Variants in HMGCS1 observed in about 807,000 individuals in gnomAD.
HMGCS1 encodes 3-hydroxy-3-methylglutaryl-CoA synthase 1.
In HMGCS1, 9 loss-of-function variants were observed where a neutral mutation model predicts 52.3. The observed-to-expected ratio is 0.17, with a 90% CI of 0.10 to 0.30. The LOEUF (loss-of-function observed/expected upper bound fraction) is 0.30. HMGCS1 is among the 10% of genes least tolerant of loss of function. The pLI is 1.00. For missense variants in HMGCS1, 320 were observed against 620.9 expected (o/e 0.52, Z 5.15); for synonymous variants, 176 against 214.4 (o/e 0.82, Z 1.57).
chr5:43,304,993 C>CTT lies in HMGCS1; in HGVS notation c.-11+2771_-11+2772dup, dbSNP rs11455890. ...TAATAGTTTCTGGTCTCAAATGTTA[C>CTT]TTTTTTTTTTGAGACGGAGTTTCGC... On this transcript the variant is annotated intron_variant, in intron 2 of 10. Transcript: ENST00000325110. Among the ~76,000 whole-genome samples, 164 of 150,490 alleles carry CTT rather than the reference C, an allele frequency of 1.1e-3. 1 individual carries two copies. The highest frequency in any genetic ancestry group is 3.4e-3 in the Middle Eastern group (1 of 292).
intron 1 of HMGCS1, among the ~76,000 whole-genome samples, chr5:43,309,374 G>T (rs540860614): frequency 5.9e-5 from 9 of 151,996 alleles, no homozygotes; most frequent in Non-Finnish European, 1.2e-4. Flanking sequence ...CAAGTAGCTG[G>T]GACTACAGGC....
chr5:43,304,316 T>C (rs865807699), intron 2 of HMGCS1, among the ~76,000 whole-genome samples: 10 of 152,248 alleles, frequency 6.6e-5, no homozygotes, highest in Admixed American at 2.0e-4. Context: ...GAAGACAGTA[T>C]GGTCTTCCTT....
chr5:43,287,686 G>C lies in HMGCS1; in HGVS notation c.*3445C>G, dbSNP rs1753558323. On this transcript the variant is annotated 3_prime_UTR_variant, in exon 11 of 11. Coordinates refer to ENST00000325110, the MANE Select transcript of HMGCS1 (RefSeq NM_001098272.3). Reference sequence around the variant, plus strand: ...TATCCACTAGCAACTTTCCACCTAGGTCAAGGATGGCCCCATGGGCACCTA... The same window carrying C: ...TATCCACTAGCAACTTTCCACCTAGCTCAAGGATGGCCCCATGGGCACCTA... 6.6e-6 allele frequency: 1 copy of C among 152,216 alleles called. No homozygotes were observed. The allele number at this position is 152,216 out of a possible 1,614,324, so 9.4% of individuals were successfully genotyped here.
intron 2 of HMGCS1, among the ~76,000 whole-genome samples, chr5:43,301,532 A>G (rs990649483): frequency 6.6e-6 from 1 of 152,214 alleles, no homozygotes; most frequent in African/African-American, 2.4e-5. Context: ...AAATGTAAAG[A>G]TTTTTCTTGA....
intron 2 of HMGCS1, among the ~76,000 whole-genome samples, chr5:43,302,969 G>T (rs889923578): frequency 2.6e-5 from 4 of 152,110 alleles, no homozygotes; most frequent in Non-Finnish European, 5.9e-5. Context: ...TTCCTTATGT[G>T]TTTTTTCACT....
rs146233971 is a variant in HMGCS1 at position 43,291,219 on chromosome 5, T to C, written c.1475A>G (p.His492Arg). 2 of 1,606,314 alleles carry C rather than the reference T, an allele frequency of 1.2e-6. No homozygotes were observed. The highest frequency in any genetic ancestry group is 2.2e-5 in the East Asian group (1 of 44,840). ...GLVHSNIATE[H>R]IPSPAKKVPR... Reference sequence around the variant, plus strand: ...TACTTTCTTGGCAGGGCTTGGAATATGCTAAAATGAAAGGAAAAAAGTTGA... The same window carrying C: ...TACTTTCTTGGCAGGGCTTGGAATACGCTAAAATGAAAGGAAAAAAGTTGA... Residue 492 changes from histidine to arginine, a missense_variant and splice_region_variant, in exon 11 of 11, where the codon CAT becomes CGT. His to Arg is a conservative substitution (Grantham distance 29). Coordinates refer to ENST00000325110, the MANE Select transcript of HMGCS1 (RefSeq NM_001098272.3).
rs1173282795 is a variant in HMGCS1, at chr5:43,298,826, T to C, written c.140A>G (p.Tyr47Cys). 2 of 1,613,766 alleles carry C rather than the reference T, an allele frequency of 1.2e-6. No individual in the cohort carries two copies. The highest frequency in any genetic ancestry group is 1.7e-6 in the Non-Finnish European group (2 of 1,179,928). ...EKYDGVDAGK[Y>C]TIGLGQAKMG... Reference sequence around the variant, plus strand: ...CTTGGCCTGGCCCAAGCCAATGGTATACTTTCCAGCATCTACACCATCATA... The same window carrying C: ...CTTGGCCTGGCCCAAGCCAATGGTACACTTTCCAGCATCTACACCATCATA... The change falls in exon 3 of 11, where the codon TAT becomes TGT. Residue 47 changes from tyrosine to cysteine, a missense_variant. By Grantham distance (194) the Tyr-to-Cys change is radical. Coordinates refer to ENST00000325110, the MANE Select transcript of HMGCS1 (RefSeq NM_001098272.3). This position sits in a 1 kb window ranked among gnomAD's most constrained non-coding sequence, Gnocchi z 5.6.
In HMGCS1 at chr5:43,292,967, G is replaced by C. The variant is rs1753853252; in HGVS notation, c.1190C>G (p.Ala397Gly). 1.3e-6 allele frequency: 2 copies of C among 1,597,216 alleles called. No individual in the cohort carries two copies. Among genetic ancestry groups the C allele is most frequent in the Non-Finnish European group, 1.7e-6 (2 of 1,174,312 alleles). ...TAAACTTGCTGTTATTTTATCAAGA[G>C]CAGACCCTAAAATAGTGAATAATTC... ...KVTQDATPGSALDKITASLCD... is the reference protein window; with the variant it reads ...KVTQDATPGSGLDKITASLCD... The change falls in exon 9 of 11, where the codon GCT (alanine) becomes GGT (glycine). Residue 397 changes from alanine to glycine, a missense_variant. Physicochemically the swap from Ala to Gly is moderately conservative, Grantham distance 60. Around this residue, in one of 3 missense-constraint regions of HMGCS1, gnomAD observed 213 missense variants for 337.4 expected, o/e 0.63. Coordinates refer to ENST00000325110, the MANE Select transcript of HMGCS1 (RefSeq NM_001098272.3).
At chr5:43,302,161 C>T (rs1014062228) in intron 2 of HMGCS1, among the ~76,000 whole-genome samples, 2 of 152,170 alleles carry the variant, frequency 1.3e-5, no homozygotes, top group African/African-American at 4.8e-5. Flanking sequence ...CTATATGGGA[C>T]TTAACACAAG....
intron 2 of HMGCS1, among the ~76,000 whole-genome samples, chr5:43,300,626 C>CA (rs915359134): frequency 5.3e-5 from 8 of 151,308 alleles, no homozygotes; most frequent in South Asian, 2.1e-4. Flanking sequence ...TCTGTCTCAA[C>CA]AAAAAAAATT....
intron 2 of HMGCS1, among the ~76,000 whole-genome samples, chr5:43,303,043 A>G (rs1754395914): frequency 1.3e-5 from 2 of 152,236 alleles, no homozygotes; most frequent in Non-Finnish European, 2.9e-5. Context: ...TAACTCTAAA[A>G]GAGCTCTTTA....
intron 2 of HMGCS1, among the ~76,000 whole-genome samples, chr5:43,305,545 G>A (rs1219458039): frequency 2.6e-5 from 4 of 151,744 alleles, no homozygotes; most frequent in African/African-American, 9.7e-5. Flanking sequence ...CGAGGTGGGC[G>A]GATCACTTAA....
rs984833065 is a variant in HMGCS1 at position 43,289,974 on chromosome 5, T to C, written c.*1157A>G. The C allele has an allele frequency of 1.3e-5, 2 of 152,570 alleles. No homozygotes were observed. Among genetic ancestry groups the C allele is most frequent in the African/African-American group, 4.8e-5 (2 of 41,424 alleles). The allele number at this position is 152,570 out of a possible 1,614,324, so 9.5% of individuals were successfully genotyped here. ...CAATCTTCTTATCTATCCTGTGTGA[T>C]AGTTTTGTTTGTTGTTGTTTTTTAA... is the stretch of plus-strand genomic sequence containing the variant. On this transcript the variant is annotated 3_prime_UTR_variant, in exon 11 of 11. Transcript: ENST00000325110.
At chr5:43,293,558 ATTTT>A (rs34148210) in intron 8 of HMGCS1, among the ~76,000 whole-genome samples, 2 of 142,022 alleles carry the variant, frequency 1.4e-5, no homozygotes, top group Non-Finnish European at 3.1e-5. Context: ...ATAAGGTAGA[ATTTT>A]TTTTTTTTTT....
At chr5:43,299,319 T>C (rs994216825) in intron 2 of HMGCS1, among the ~76,000 whole-genome samples, 1 of 152,190 alleles carries the variant, frequency 6.6e-6, no homozygotes, top group Non-Finnish European at 1.5e-5. Flanking sequence ...TTTAGAAATA[T>C]GGCTGACAAA....
At position 43,289,076 on chromosome 5, in the gene HMGCS1, C is replaced by G. The variant is rs182353223; in HGVS notation, c.*2055G>C. 1.9e-4 allele frequency: 29 copies of G among 152,258 alleles called. No homozygotes were observed. The highest frequency in any genetic ancestry group is 7.0e-4 in the African/African-American group (29 of 41,548). The allele number at this position is 152,258 out of a possible 1,614,324, so 9.4% of individuals were successfully genotyped here. A position where few individuals can be genotyped will look rare whatever the true frequency, so the allele number is the denominator to read the frequency against. On this transcript the variant is annotated 3_prime_UTR_variant, in exon 11 of 11. Transcript: ENST00000325110. ...TAACTCATTTCATAAATATTTATAG[C>G]AAAGTCTATATATGCTTGCCACGCA... is the stretch of plus-strand genomic sequence containing the variant.
chr5:43,296,135 T>C (rs940339615), intron 5 of HMGCS1, among the ~76,000 whole-genome samples: 3 of 152,192 alleles, frequency 2.0e-5, no homozygotes, highest in African/African-American at 4.8e-5. Context: ...TTAAGATTCA[T>C]ACACATTAGC....
chr5:43,308,613 G>A (rs576494623), intron 1 of HMGCS1, among the ~76,000 whole-genome samples: 135 of 152,156 alleles, frequency 8.9e-4, no homozygotes, highest in South Asian at 2.1e-4. Flanking sequence ...AATAATTTGC[G>A]AAGGTGACTG....
At chr5:43,301,215 A>T (rs1579653372) in intron 2 of HMGCS1, among the ~76,000 whole-genome samples, 1 of 152,208 alleles carries the variant, frequency 6.6e-6, no homozygotes, top group Non-Finnish European at 1.5e-5. Flanking sequence ...GGCAAGCTAC[A>T]AGGAATTACA....
Sources: gnomAD v4.1 joint callset for allele counts (sites outside exome capture counted in the v4.1 genomes callset) on GRCh38, gnomAD v4.1.1 for gene constraint, gnomAD v4.1.1 regional missense constraint, Gnocchi (gnomAD v3.1) non-coding constraint, MANE v1.5 for transcripts, NCBI Gene and HGNC (gene_info 2026-07-23, HGNC 2026-07-21) for gene names.